Variants in FAXC observed in about 807,000 individuals in gnomAD.
FAXC encodes failed axon connections homolog.
A neutral mutation model predicts 41.9 loss-of-function variants in FAXC; 10 were observed. That is an observed-to-expected ratio of 0.24 (90% CI 0.15 to 0.41). The LOEUF (loss-of-function observed/expected upper bound fraction) is 0.41. Among genes scored for constraint, FAXC ranks in the 10% least tolerant of loss-of-function variants. FAXC has a pLI of 1.00. For synonymous variants in FAXC, 183 were observed against 183.8 expected, an observed-to-expected ratio of 1.00 and a Z score of 0.03; for missense variants, 399 against 510.9, an observed-to-expected ratio of 0.78 and a Z score of 2.11.
intron 5 of FAXC, among the ~76,000 whole-genome samples, chr6:99,282,699 A>G (rs1428557857): frequency 6.6e-6 from 1 of 152,176 alleles, no homozygotes; most frequent in Non-Finnish European, 1.5e-5. Flanking sequence ...ATTTGCTACT[A>G]TCTCTTATAG....
intron 4 of FAXC, among the ~76,000 whole-genome samples, chr6:99,318,263 ACAC>A (rs1562171314): frequency 0.037 from 4,584 of 124,530 alleles, 232 homozygotes; most frequent in Middle Eastern, 0.091. Flanking sequence ...CGTCTCAAAC[ACAC>A]ACACACACAC....
At position 99,276,738 on chromosome 6, in the gene FAXC, A is replaced by G. The variant is rs370004117; in HGVS notation, c.*4426T>C. ...CATTAACCCCCTGAGGAAACCATGGATAATTTCAGGAGGTCTCTAAATTTC... is the reference window on the plus strand; with the variant it reads ...CATTAACCCCCTGAGGAAACCATGGGTAATTTCAGGAGGTCTCTAAATTTC... On this transcript the variant is annotated 3_prime_UTR_variant, in exon 6 of 6. Coordinates refer to ENST00000389677, the MANE Select transcript of FAXC (RefSeq NM_032511.4). 4.6e-5 allele frequency: 7 copies of G among 152,346 alleles called. No individual in the cohort carries two copies. The highest frequency in any genetic ancestry group is 1.2e-4 in the African/African-American group (5 of 41,592). 9.4% of individuals were successfully genotyped at this position (152,346 alleles called of 1,614,324 possible).
intron 4 of FAXC, 147 bp downstream of exon 4, chr6:99,323,297 T>G: frequency 1.5e-6 from 1 of 662,292 alleles, no homozygotes; most frequent in Non-Finnish European, 2.6e-6. Flanking sequence ...AATTAGAGGA[T>G]TTGGTTAAAT....
At chr6:99,333,579 G>C in intron 2 of FAXC, 32 bp from the exon 3 acceptor site, 1 of 1,526,914 alleles carries the variant, frequency 6.5e-7, no homozygotes, top group East Asian at 2.3e-5. Flanking sequence ...AAAGAGAAAA[G>C]CAATATTGTA....
chr6:99,282,979 T>C (rs1236146888), intron 5 of FAXC, among the ~76,000 whole-genome samples: 1 of 152,220 alleles, frequency 6.6e-6, no homozygotes, highest in Non-Finnish European at 1.5e-5. Flanking sequence ...CTTAACAACG[T>C]ATAATAAAAA....
At chr6:99,304,399 G>GA (rs1771833143) in intron 4 of FAXC, among the ~76,000 whole-genome samples, 1 of 151,928 alleles carries the variant, frequency 6.6e-6, no homozygotes, top group East Asian at 1.9e-4. Flanking sequence ...TCAGGACCAA[G>GA]AAAAAAATTG....
At chr6:99,292,398 C>G (rs978650338) in intron 4 of FAXC, among the ~76,000 whole-genome samples, 3 of 152,194 alleles carry the variant, frequency 2.0e-5, no homozygotes, top group Admixed American at 2.0e-4. Context: ...GTCACAGGCT[C>G]AGCCCTGGCA....
intron 4 of FAXC, among the ~76,000 whole-genome samples, chr6:99,316,753 C>CT (rs1234875644): frequency 1.3e-5 from 2 of 152,156 alleles, no homozygotes; most frequent in African/African-American, 4.8e-5. Flanking sequence ...CTGCTGTTCT[C>CT]TGAGAATATT....
intron 4 of FAXC, among the ~76,000 whole-genome samples, chr6:99,323,188 G>A (rs1467816406): frequency 1.3e-5 from 2 of 152,154 alleles, no homozygotes; most frequent in Non-Finnish European, 2.9e-5. Flanking sequence ...GCAGCCAGGT[G>A]GTGAGGCTGA....
At chr6:99,325,002 A>G (rs1772740316) in intron 3 of FAXC, among the ~76,000 whole-genome samples, 1 of 152,174 alleles carries the variant, frequency 6.6e-6, no homozygotes, top group African/African-American at 2.4e-5. Context: ...GGCAACACAT[A>G]GTGGGACCAC....
intron 4 of FAXC, among the ~76,000 whole-genome samples, chr6:99,322,699 T>G (rs1011259667): frequency 1.3e-5 from 2 of 152,194 alleles, no homozygotes; most frequent in Non-Finnish European, 2.9e-5. Flanking sequence ...TATCTGTTTA[T>G]GAATTGTCAT....
intron 5 of FAXC, among the ~76,000 whole-genome samples, chr6:99,287,818 C>A (rs1260378627): frequency 2.0e-5 from 3 of 152,078 alleles, no homozygotes; most frequent in African/African-American, 7.2e-5. Context: ...CAAATTACAG[C>A]AGTAGTAGTT....
At chr6:99,298,237 T>C (rs950274284) in intron 4 of FAXC, among the ~76,000 whole-genome samples, 3 of 151,890 alleles carry the variant, frequency 2.0e-5, no homozygotes, top group African/African-American at 7.3e-5. Flanking sequence ...GGCTTTTTTT[T>C]TTTTTTCTTT....
At chr6:99,290,813 CTT>C (rs994241018) in intron 5 of FAXC, among the ~76,000 whole-genome samples, 2 of 144,172 alleles carry the variant, frequency 1.4e-5, no homozygotes, top group African/African-American at 2.5e-5. Flanking sequence ...ACTAGTTTTG[CTT>C]TTTTTTTTTA....
At chr6:99,326,596 A>C (rs1460338510) in intron 3 of FAXC, among the ~76,000 whole-genome samples, 1 of 152,158 alleles carries the variant, frequency 6.6e-6, no homozygotes, top group Non-Finnish European at 1.5e-5. Context: ...AGAACTGGTG[A>C]GCAGGGGCAT....
rs544069506 is a variant in FAXC at position 99,280,125 on chromosome 6, G to C, written c.*1039C>G. The C allele has an allele frequency of 2.0e-5, 3 of 152,268 alleles. No homozygotes were observed. The highest frequency in any genetic ancestry group is 4.4e-5 in the Non-Finnish European group (3 of 68,024). 9.4% of individuals were successfully genotyped at this position (152,268 alleles called of 1,614,324 possible). A position where few individuals can be genotyped will look rare whatever the true frequency, so the allele number is the denominator to read the frequency against. ...CTGGAGTCAACACAGAACATGCCAG[G>C]GTGAGTTCAGGCAATGAAAGAACCA... is the stretch of plus-strand genomic sequence containing the variant. On this transcript the variant is annotated 3_prime_UTR_variant, in exon 6 of 6. Coordinates refer to ENST00000389677, the MANE Select transcript of FAXC (RefSeq NM_032511.4).
intron 5 of FAXC, among the ~76,000 whole-genome samples, chr6:99,285,026 A>AG (rs1770978885): frequency 1.9e-4 from 1 of 5,402 alleles, no homozygotes; most frequent in Non-Finnish European, 2.8e-4. Context: ...CTTGACTGGT[A>AG]AAAAAAAAAA....
At chr6:99,319,837 A>G (rs187107776) in intron 4 of FAXC, among the ~76,000 whole-genome samples, 3 of 152,372 alleles carry the variant, frequency 2.0e-5, no homozygotes, top group Admixed American at 2.0e-4. Flanking sequence ...GAGATACTCA[A>G]GAAAACTTGT....
chr6:99,335,526 G>C (rs1490149958), intron 2 of FAXC, among the ~76,000 whole-genome samples: 1 of 152,178 alleles, frequency 6.6e-6, no homozygotes, highest in African/African-American at 2.4e-5. Context: ...TACCTATTTA[G>C]GAAAGTTTTA....
Sources: gnomAD v4.1 joint callset for allele counts (sites outside exome capture counted in the v4.1 genomes callset) on GRCh38, gnomAD v4.1.1 for gene constraint, MANE v1.5 for transcripts, NCBI Gene and HGNC (gene_info 2026-07-23, HGNC 2026-07-21) for gene names.